PSMD5: variants seen among roughly 807,000 people sequenced by gnomAD.
PSMD5 encodes the protein 26S proteasome non-ATPase regulatory subunit 5.
Under a neutral mutation model 52.1 loss-of-function variants are expected in PSMD5, and 40 were observed. The observed-to-expected ratio is 0.77, with a 90% CI of 0.60 to 1.00. PSMD5 has a LOEUF of 1.00. Ranked by LOEUF, PSMD5 falls within the 50% of genes least tolerant of loss-of-function variation. The pLI is 0.00. For missense variants in PSMD5, 575 were observed against 605.2 expected (o/e 0.95, Z 0.52); for synonymous variants, 211 against 226.6 (o/e 0.93, Z 0.62).
chr9:120,833,387 G>C lies in PSMD5; in HGVS notation c.243C>G (p.Ala81=). The stretch of plus-strand genomic sequence containing the variant: ...TCTGCAGGTCAACCCTGAGGTTCCG[G>C]GCCACGTGAACCGGTTCCATAGCTT... ...LLQAMEPVHV[A]RNLRVDLQRG... is the part of the protein sequence containing the mutation. The change falls in exon 2 of 10, where the codon GCC becomes GCG. Residue 81 remains alanine, a synonymous_variant. Coordinates refer to ENST00000210313, the MANE Select transcript of PSMD5 (RefSeq NM_005047.4). The C allele has an allele frequency of 6.2e-7, 1 of 1,614,014 alleles. No individual in the cohort carries two copies. The highest frequency in any genetic ancestry group is 2.2e-5 in the East Asian group (1 of 44,886).
intron 1 of PSMD5, among the ~76,000 whole-genome samples, chr9:120,837,562 T>C (rs868198278): frequency 1.3e-5 from 2 of 152,244 alleles, no homozygotes; most frequent in African/African-American, 4.8e-5. Flanking sequence ...CTCAAAGTCA[T>C]ACATTTTTTT....
intron 7 of PSMD5, chr9:120,824,109 T>TAAAA (rs34305055): frequency 1.1e-4 from 12 of 111,950 alleles, no homozygotes; most frequent in Middle Eastern, 5.3e-3. Flanking sequence ...CTCAATCTCT[T>TAAAA]AAAAAAAAAA....
Position 120,833,439 on chromosome 9 carries a change from C to G in PSMD5, c.191G>C (p.Cys64Ser). Residue 64 changes from cysteine (C) to serine (S), a missense_variant, in exon 2 of 10, where the codon TGT becomes TCT. Transcript: ENST00000210313. ...NENHREKTTL[C>S]VSILERLLQA... is the part of the protein sequence containing the mutation. ...GAGCAATCTCTCCAGAATGGATACA[C>G]ACAAAGTAGTCTTTTCCCTGAAGGA... 1 of 1,613,624 alleles carries G rather than the reference C, an allele frequency of 6.2e-7. No homozygotes were observed.
At chr9:120,822,594 G>A (rs1246172255) in intron 7 of PSMD5, among the ~76,000 whole-genome samples, 1 of 151,886 alleles carries the variant, frequency 6.6e-6, no homozygotes, top group Non-Finnish European at 1.5e-5. Context: ...TGTCACCCAG[G>A]CTGGAGTGCA....
Position 120,834,304 on chromosome 9 carries a change from G to A in PSMD5, c.174-848C>T, listed in dbSNP as rs74602485. ...CCGATATATTCTCTAGTCTTAAGGA[G>A]CTCAATACAATGAAAGATACAGAAA... On this transcript the variant is annotated intron_variant, in intron 1 of 9. Transcript: ENST00000210313. 1.1e-3 allele frequency among the ~76,000 whole-genome samples: 174 copies of A among 152,034 alleles called. 2 individuals are homozygous for A. Among genetic ancestry groups the A allele is most frequent in the African/African-American group, 4.1e-3 (170 of 41,464 alleles).
At chr9:120,821,325 C>T (rs1283310375) in intron 8 of PSMD5, 30 bp downstream of exon 8, 2 of 1,373,858 alleles carry the variant, frequency 1.5e-6, no homozygotes, top group East Asian at 2.3e-5. Flanking sequence ...ACATATCCCA[C>T]TGTCCTTCAT....
chr9:120,820,620 A>G lies in PSMD5; in HGVS notation c.1257+219T>C, dbSNP rs545764452. ...AGTCTGGAATTAACTGTGTGATCCC[A>G]TAGCATCCTGTTCAAACCTCAAACA... On this transcript the variant is annotated intron_variant, in intron 9 of 9. Coordinates refer to ENST00000210313, the MANE Select transcript of PSMD5 (RefSeq NM_005047.4). Among the ~76,000 whole-genome samples, 16 of 152,358 alleles carry G rather than the reference A, an allele frequency of 1.1e-4. No homozygotes were observed. In the South Asian group the frequency reaches 2.9e-3, roughly 28 times the overall value.
intron 4 of PSMD5, among the ~76,000 whole-genome samples, chr9:120,830,186 G>C (rs911015981): frequency 5.3e-5 from 8 of 152,184 alleles, no homozygotes; most frequent in African/African-American, 1.7e-4. Flanking sequence ...AATGAGCCAA[G>C]GTCTAATACC....
At chr9:120,832,393 CTTTTTTTT>C (rs35785525) in intron 2 of PSMD5, among the ~76,000 whole-genome samples, 3 of 126,908 alleles carry the variant, frequency 2.4e-5, no homozygotes, top group African/African-American at 8.9e-5. Flanking sequence ...TTCCCCCAAC[CTTTTTTTT>C]TTTTTTTTTT....
intron 1 of PSMD5, among the ~76,000 whole-genome samples, chr9:120,838,731 C>T (rs2045214825): frequency 6.6e-6 from 1 of 152,188 alleles, no homozygotes; most frequent in Non-Finnish European, 1.5e-5. Context: ...ACTTCAGTTC[C>T]TACTGCATCT....
At chr9:120,838,558 T>C (rs966426319) in intron 1 of PSMD5, among the ~76,000 whole-genome samples, 6 of 152,364 alleles carry the variant, frequency 3.9e-5, no homozygotes, top group Non-Finnish European at 1.5e-5. Context: ...GACTGCCAGA[T>C]ACTATCCAGA....
In PSMD5 at chr9:120,816,342, TACACTTA is replaced by T. The variant is rs1414186671; in HGVS notation, c.*1557_*1563del. 1 of 152,196 alleles carries T rather than the reference TACACTTA, an allele frequency of 6.6e-6. No homozygotes were observed. Among genetic ancestry groups the T allele is most frequent in the Non-Finnish European group, 1.5e-5 (1 of 68,044 alleles). The allele number at this position is 152,196 out of a possible 1,614,324, so 9.4% of individuals were successfully genotyped here. On this transcript the variant is annotated 3_prime_UTR_variant, in exon 10 of 10. Transcript: ENST00000210313. The stretch of plus-strand genomic sequence containing the variant: ...TGAACATATGTAATATACTGAACTG[TACACTTA>T]AAATAGTTATGACAAATTTTATTGT...
At chr9:120,819,528 G>A (rs576750351) in intron 9 of PSMD5, among the ~76,000 whole-genome samples, 1 of 152,332 alleles carries the variant, frequency 6.6e-6, no homozygotes, top group East Asian at 1.9e-4. Flanking sequence ...TTACAAGGGT[G>A]AAGCAGTCTT....
chr9:120,832,833 C>T (rs2045170767), intron 2 of PSMD5, among the ~76,000 whole-genome samples: 1 of 149,324 alleles, frequency 6.7e-6, no homozygotes, highest in Non-Finnish European at 1.5e-5. Context: ...GCTTTGGTTA[C>T]CAGGATGATA....
intron 6 of PSMD5, chr9:120,824,971 G>A: frequency 4.0e-6 from 1 of 252,692 alleles, no homozygotes; most frequent in Non-Finnish European, 7.5e-6. Flanking sequence ...TTACAGGAAG[G>A]CAAGTTTAGA....
At chr9:120,821,022 C>A in intron 8 of PSMD5, 43 bp from the exon 9 acceptor site, 2 of 1,535,068 alleles carry the variant, frequency 1.3e-6, no homozygotes, top group South Asian at 1.3e-5. Flanking sequence ...GTTAACTGAT[C>A]TGGAGAAAAG....
intron 1 of PSMD5, among the ~76,000 whole-genome samples, chr9:120,834,091 T>C (rs1055115253): frequency 6.7e-6 from 1 of 149,702 alleles, no homozygotes; most frequent in Admixed American, 6.7e-5. Flanking sequence ...ACAATTCCCC[T>C]GCCTCAGCCT....
chr9:120,842,500 C>A (rs2045247039), intron 1 of PSMD5: 6 of 575,758 alleles, frequency 1.0e-5, no homozygotes. Flanking sequence ...GGCAGTGCCT[C>A]ACTGCTCAGA....
At chr9:120,842,655 C>G (rs2045248318) in intron 1 of PSMD5, 82 bp downstream of exon 1, 2 of 1,520,480 alleles carry the variant, frequency 1.3e-6, no homozygotes, top group Non-Finnish European at 1.8e-6. Context: ...CTGGGAAAAG[C>G]GCTGTTCTTG....
Sources: allele counts gnomAD v4.1 joint callset (sites outside exome capture counted in the v4.1 genomes callset), GRCh38; gene constraint gnomAD v4.1.1; transcripts MANE v1.5; gene names NCBI Gene and HGNC (gene_info 2026-07-23, HGNC 2026-07-21).